The following PLCL1 variants were observed in gnomAD, a reference collection of about 807,000 sequenced individuals.
The protein encoded by PLCL1 is inactive phospholipase C-like protein 1.
A neutral mutation model predicts 84.4 loss-of-function variants in PLCL1; 41 were observed. The ratio of observed to expected loss-of-function variants is 0.49; its 90% CI spans 0.38 to 0.63. The LOEUF (loss-of-function observed/expected upper bound fraction) is 0.63, where lower values mean the gene tolerates loss of function less well. Among genes scored for constraint, PLCL1 ranks in the 30% least tolerant of loss-of-function variants. The pLI is 0.00. For missense variants in PLCL1, 1,206 were observed against 1,367.8 expected, an observed-to-expected ratio of 0.88 and a Z score of 1.87; for synonymous variants, 490 against 488.3, an observed-to-expected ratio of 1.00 and a Z score of -0.05.
At chr2:198,069,074 A>G (rs1692402951) in intron 1 of PLCL1, among the ~76,000 whole-genome samples, 1 of 151,928 alleles carries the variant, frequency 6.6e-6, no homozygotes, top group Admixed American at 6.6e-5. Context: ...AAATAAAAAA[A>G]ATTGCCTAGA....
At chr2:198,015,152 T>C (rs1021429844) in intron 1 of PLCL1, among the ~76,000 whole-genome samples, 4 of 152,160 alleles carry the variant, frequency 2.6e-5, no homozygotes, top group African/African-American at 9.6e-5. Flanking sequence ...ATCTCAAAGC[T>C]TATAGAGATT....
At chr2:198,123,621 C>T (rs1693921474) in intron 5 of PLCL1, among the ~76,000 whole-genome samples, 1 of 152,026 alleles carries the variant, frequency 6.6e-6, no homozygotes, top group South Asian at 2.1e-4. Flanking sequence ...GGACTTTTAG[C>T]TTCTAGAATT....
chr2:197,967,344 G>A (rs762257042), intron 1 of PLCL1, among the ~76,000 whole-genome samples: 3 of 152,004 alleles, frequency 2.0e-5, no homozygotes, highest in Admixed American at 6.6e-5. Context: ...TTATAGGCAC[G>A]TGCCACCACG....
intron 1 of PLCL1, among the ~76,000 whole-genome samples, chr2:198,039,922 C>T (rs192257732): frequency 2.9e-4 from 44 of 152,206 alleles, no homozygotes; most frequent in African/African-American, 7.2e-4. Context: ...AAATGGAGAA[C>T]ATGTTATTTG....
chr2:198,127,088 T>G (rs975848176), intron 5 of PLCL1, among the ~76,000 whole-genome samples: 8 of 152,054 alleles, frequency 5.3e-5, no homozygotes, highest in Admixed American at 2.6e-4. Context: ...TCCCATGTTA[T>G]TTCTGATGTT....
intron 1 of PLCL1, among the ~76,000 whole-genome samples, chr2:198,007,917 G>A (rs539378605): frequency 4.6e-5 from 7 of 152,122 alleles, no homozygotes; most frequent in South Asian, 4.1e-4. Context: ...CCAAACCTAG[G>A]CTAATACATT....
intron 1 of PLCL1, among the ~76,000 whole-genome samples, chr2:197,850,930 T>G (rs890685893): frequency 6.6e-6 from 1 of 152,176 alleles, no homozygotes; most frequent in African/African-American, 2.4e-5. Flanking sequence ...TAAACAAACA[T>G]TATCACAAAC....
intron 1 of PLCL1, among the ~76,000 whole-genome samples, chr2:198,038,657 G>GT (rs1412331675): frequency 6.6e-6 from 1 of 152,054 alleles, no homozygotes; most frequent in Non-Finnish European, 1.5e-5. Flanking sequence ...AAACAAAACA[G>GT]TTATTCTATT....
rs573499037 is a variant in PLCL1 at position 197,910,961 on chromosome 2, T to G, written c.240+105622T>G. Among the ~76,000 whole-genome samples the G allele has an allele frequency of 3.3e-5, 5 of 152,326 alleles. No homozygotes were observed. The East Asian group carries it at 5.8e-4, about 18-fold the overall frequency. On this transcript the variant is annotated intron_variant, in intron 1 of 5. Coordinates refer to ENST00000428675, the MANE Select transcript of PLCL1 (RefSeq NM_006226.4). The stretch of plus-strand genomic sequence containing the variant: ...TGATATAAAATTAATGGACAGGATG[T>G]TTATTTAAAGTAAACTAAGCCTGAA...
intron 5 of PLCL1, among the ~76,000 whole-genome samples, chr2:198,124,614 C>CA (rs1296895953): frequency 6.6e-6 from 1 of 151,842 alleles, no homozygotes; most frequent in Non-Finnish European, 1.5e-5. Context: ...TTTTTTCATT[C>CA]AAAAAACACA....
At chr2:198,117,091 G>T (rs1693763829) in intron 5 of PLCL1, among the ~76,000 whole-genome samples, 1 of 151,782 alleles carries the variant, frequency 6.6e-6, no homozygotes, top group Admixed American at 6.6e-5. Flanking sequence ...AATAAAACTG[G>T]TTCATGAATG....
intron 3 of PLCL1, among the ~76,000 whole-genome samples, chr2:198,098,217 T>C (rs567867012): frequency 6.6e-6 from 1 of 152,280 alleles, no homozygotes; most frequent in African/African-American, 2.4e-5. Flanking sequence ...GATTAGCTTT[T>C]TATTGACTCA....
At position 198,085,262 on chromosome 2, in the gene PLCL1, G is replaced by T. The variant is rs1290504295; in HGVS notation, c.1745G>T (p.Cys582Phe). Residue 582 changes from cysteine (C) to phenylalanine (F), a missense_variant, in exon 2 of 6, where the codon TGT becomes TTT. Coordinates refer to ENST00000428675, the MANE Select transcript of PLCL1 (RefSeq NM_006226.4). The surrounding 1 kb of genome is among the most constrained non-coding windows in gnomAD (Gnocchi z 5.3). ...GGTGAGCAGAAGCAAATCCGACTCT[G>T]TAGGGAGCTCTCTGATTTGGTGTCT... ...YNGEQKQIRLCRELSDLVSIC... is the reference protein window; with the variant it reads ...YNGEQKQIRLFRELSDLVSIC... 6.2e-7 allele frequency: 1 copy of T among 1,614,064 alleles called. No individual in the cohort carries two copies.
At chr2:197,822,135 A>G (rs1350490396) in intron 1 of PLCL1, among the ~76,000 whole-genome samples, 1 of 152,124 alleles carries the variant, frequency 6.6e-6, no homozygotes, top group Non-Finnish European at 1.5e-5. Context: ...GGATGCCTTG[A>G]GTAACTGTTG....
intron 1 of PLCL1, among the ~76,000 whole-genome samples, chr2:197,910,223 C>T (rs1199392393): frequency 6.6e-6 from 1 of 152,188 alleles, no homozygotes; most frequent in African/African-American, 2.4e-5. Flanking sequence ...CTTCATTTCC[C>T]TGGTGGATCT....
chr2:198,024,366 T>C (rs1691212095), intron 1 of PLCL1, among the ~76,000 whole-genome samples: 1 of 152,142 alleles, frequency 6.6e-6, no homozygotes, highest in African/African-American at 2.4e-5. Flanking sequence ...CTGCACGTTC[T>C]GCACATTGTA....
chr2:197,873,868 A>T (rs944873213), intron 1 of PLCL1, among the ~76,000 whole-genome samples: 1 of 152,112 alleles, frequency 6.6e-6, no homozygotes, highest in African/African-American at 2.4e-5. Context: ...CAGCATTGCT[A>T]CTTGTTTGTT....
intron 1 of PLCL1, among the ~76,000 whole-genome samples, chr2:197,932,940 G>T (rs1688970750): frequency 6.6e-6 from 1 of 152,204 alleles, no homozygotes; most frequent in East Asian, 1.9e-4. Flanking sequence ...TTGTTTTGGT[G>T]AGGTTTAGGG....
intron 1 of PLCL1, among the ~76,000 whole-genome samples, chr2:197,968,110 GT>G (rs1689784886): frequency 6.6e-6 from 1 of 152,132 alleles, no homozygotes; most frequent in Admixed American, 6.5e-5. Flanking sequence ...ATTTACCTAA[GT>G]GGATACTGCT....
Sources: gnomAD v4.1 joint callset for allele counts (sites outside exome capture counted in the v4.1 genomes callset) on GRCh38, gnomAD v4.1.1 for gene constraint, Gnocchi (gnomAD v3.1) non-coding constraint, MANE v1.5 for transcripts, NCBI Gene and HGNC (gene_info 2026-07-23, HGNC 2026-07-21) for gene names.